Variants in CHRM3 observed in about 807,000 individuals in gnomAD.
CHRM3 encodes cholinergic receptor muscarinic 3.
In CHRM3, 11 loss-of-function variants were observed where a neutral mutation model predicts 41.8. The ratio of observed to expected loss-of-function variants is 0.26; its 90% CI spans 0.17 to 0.44. The LOEUF (loss-of-function observed/expected upper bound fraction) is 0.44. Among genes scored for constraint, CHRM3 ranks in the 20% least tolerant of loss-of-function variants. The pLI, the probability that CHRM3 is intolerant of heterozygous loss-of-function variation, is 1.00. For missense variants in CHRM3, 571 were observed against 745.4 expected (o/e 0.77, Z 2.72); for synonymous variants, 297 against 301.4 (o/e 0.99, Z 0.15).
intron 6 of CHRM3, among the ~76,000 whole-genome samples, chr1:239,892,911 A>G (rs544583677): frequency 1.4e-4 from 21 of 152,194 alleles, no homozygotes; most frequent in African/African-American, 5.1e-4. Flanking sequence ...ACTGAATAGG[A>G]AAGATGTCCA....
At chr1:239,723,364 C>A (rs1441973264) in intron 5 of CHRM3, among the ~76,000 whole-genome samples, 1 of 151,770 alleles carries the variant, frequency 6.6e-6, no homozygotes, top group Admixed American at 6.6e-5. Flanking sequence ...AATGTTTTGT[C>A]AATATTTTTC....
chr1:239,529,309 A>T (rs1670206000), intron 2 of CHRM3, among the ~76,000 whole-genome samples: 1 of 151,950 alleles, frequency 6.6e-6, no homozygotes, highest in African/African-American at 2.4e-5. Context: ...AATAACTGAT[A>T]CATTATAAGA....
At chr1:239,770,632 G>A (rs190468796) in intron 5 of CHRM3, among the ~76,000 whole-genome samples, 1 of 152,152 alleles carries the variant, frequency 6.6e-6, no homozygotes, top group Admixed American at 6.5e-5. Context: ...GAATGACCAG[G>A]AAAGGTTTTC....
At chr1:239,695,757 A>G (rs1164712733) in intron 5 of CHRM3, among the ~76,000 whole-genome samples, 3 of 151,784 alleles carry the variant, frequency 2.0e-5, no homozygotes, top group African/African-American at 7.3e-5. Flanking sequence ...TAAGAGCCAG[A>G]AAAAAAAATT....
intron 5 of CHRM3, among the ~76,000 whole-genome samples, chr1:239,797,819 G>A (rs1053545775): frequency 2.0e-5 from 3 of 152,076 alleles, no homozygotes; most frequent in Non-Finnish European, 2.9e-5. Flanking sequence ...AGGCTGAGGC[G>A]GGAGGATCAC....
intron 5 of CHRM3, among the ~76,000 whole-genome samples, chr1:239,710,272 C>T (rs1661637621): frequency 6.6e-6 from 1 of 151,964 alleles, no homozygotes; most frequent in African/African-American, 2.4e-5. Context: ...TAACTATACC[C>T]ATATATATGT....
intron 5 of CHRM3, among the ~76,000 whole-genome samples, chr1:239,810,805 G>A (rs1671060639): frequency 1.3e-5 from 2 of 152,218 alleles, no homozygotes; most frequent in Admixed American, 6.5e-5. Flanking sequence ...GAGGCCAAGA[G>A]CAGTAGTTGT....
At chr1:239,758,759 T>G (rs1666447566) in intron 5 of CHRM3, among the ~76,000 whole-genome samples, 1 of 152,348 alleles carries the variant, frequency 6.6e-6, no homozygotes, top group African/African-American at 2.4e-5. Flanking sequence ...TTAGAAAAAC[T>G]CTTTGTTGAC....
At chr1:239,616,218 ACC>A (rs1667616795) in intron 3 of CHRM3, among the ~76,000 whole-genome samples, 1 of 152,198 alleles carries the variant, frequency 6.6e-6, no homozygotes, top group Admixed American at 6.5e-5. Context: ...GTGTGGTTAA[ACC>A]TAAATTTAAT....
At chr1:239,391,000 T>C (rs1460931318) in intron 1 of CHRM3, among the ~76,000 whole-genome samples, 1 of 152,062 alleles carries the variant, frequency 6.6e-6, no homozygotes, top group Non-Finnish European at 1.5e-5. Context: ...TAGCCAGGCA[T>C]GGTGGCGTGC....
chr1:239,791,800 A>G (rs1309985842), intron 5 of CHRM3, among the ~76,000 whole-genome samples: 6 of 152,200 alleles, frequency 3.9e-5, no homozygotes, highest in Non-Finnish European at 7.3e-5. Context: ...CGAGTTGTAT[A>G]AAGAGATGGG....
chr1:239,493,619 A>C (rs565250994), intron 2 of CHRM3, among the ~76,000 whole-genome samples: 1 of 152,296 alleles, frequency 6.6e-6, no homozygotes, highest in African/African-American at 2.4e-5. Context: ...TGATAAAAGC[A>C]AGAGTTTTGT....
intron 5 of CHRM3, among the ~76,000 whole-genome samples, chr1:239,722,276 T>C (rs149310394): frequency 6.5e-4 from 99 of 152,032 alleles, no homozygotes; most frequent in Non-Finnish European, 1.2e-3. Flanking sequence ...TCAGGTTGAC[T>C]CAATAGCTAA....
At chr1:239,738,412 G>A (rs940306713) in intron 5 of CHRM3, among the ~76,000 whole-genome samples, 4 of 152,120 alleles carry the variant, frequency 2.6e-5, no homozygotes, top group African/African-American at 7.2e-5. Flanking sequence ...CTTAACAGTC[G>A]GGTCATCAGG....
intron 6 of CHRM3, among the ~76,000 whole-genome samples, chr1:239,839,802 G>GA (rs1277355206): frequency 1.3e-5 from 2 of 151,292 alleles, no homozygotes; most frequent in African/African-American, 2.4e-5. Flanking sequence ...TGGCGGGGCG[G>GA]GGGGGGAGCG....
intron 5 of CHRM3, among the ~76,000 whole-genome samples, chr1:239,762,322 A>T (rs535436114): frequency 1.2e-4 from 18 of 152,286 alleles, no homozygotes; most frequent in African/African-American, 4.1e-4. Flanking sequence ...ATTATATAAC[A>T]TCTGTGTTCT....
intron 5 of CHRM3, among the ~76,000 whole-genome samples, chr1:239,698,500 G>A (rs909342500): frequency 1.3e-5 from 2 of 152,160 alleles, no homozygotes; most frequent in African/African-American, 4.8e-5. Flanking sequence ...TACAAAGAGT[G>A]AAAGTGAATC....
At chr1:239,409,729 T>G (rs759987044) in intron 1 of CHRM3, among the ~76,000 whole-genome samples, 1 of 152,078 alleles carries the variant, frequency 6.6e-6, no homozygotes, top group Non-Finnish European at 1.5e-5. Context: ...GATCACGAGG[T>G]CAGGAGATCG....
intron 5 of CHRM3, among the ~76,000 whole-genome samples, chr1:239,691,418 A>C (rs1050913958): frequency 1.3e-5 from 2 of 152,152 alleles, no homozygotes; most frequent in African/African-American, 4.8e-5. Context: ...TCCTACAAAA[A>C]AAAAAGAAAG....
Sources: gnomAD v4.1 joint callset for allele counts (sites outside exome capture counted in the v4.1 genomes callset) on GRCh38, gnomAD v4.1.1 for gene constraint, MANE v1.5 for transcripts, NCBI Gene and HGNC (gene_info 2026-07-23, HGNC 2026-07-21) for gene names.